The following HMCN1 variants were observed in gnomAD, a reference collection of about 807,000 sequenced individuals.
HMCN1 encodes hemicentin 1.
In HMCN1, 321 loss-of-function variants were observed where a neutral mutation model predicts 625.9. The ratio of observed to expected loss-of-function variants is 0.51; its 90% CI spans 0.47 to 0.56. The LOEUF (loss-of-function observed/expected upper bound fraction) is 0.56. Ranked by LOEUF, HMCN1 falls within the 20% of genes least tolerant of loss-of-function variation. HMCN1 has a pLI of 0.00. For missense variants in HMCN1, 6,588 were observed against 6,887.3 expected (o/e 0.96, Z 1.54); for synonymous variants, 2,425 against 2,417.6 (o/e 1.00, Z -0.09).
At chr1:185,900,240 T>C (rs895812446) in intron 4 of HMCN1, among the ~76,000 whole-genome samples, 2 of 152,058 alleles carry the variant, frequency 1.3e-5, no homozygotes, top group African/African-American at 4.8e-5. Flanking sequence ...CTAAGATTTG[T>C]ACAGTTGTTT....
intron 40 of HMCN1, among the ~76,000 whole-genome samples, chr1:186,045,213 G>A (rs1236801729): frequency 2.6e-5 from 4 of 152,146 alleles, no homozygotes; most frequent in African/African-American, 9.7e-5. Flanking sequence ...TTTATGTTTT[G>A]CACGCTGCGA....
intron 64 of HMCN1, among the ~76,000 whole-genome samples, chr1:186,091,854 G>T (rs1278999475): frequency 1.3e-5 from 2 of 151,950 alleles, no homozygotes; most frequent in Non-Finnish European, 2.9e-5. Context: ...ATAACTTAAA[G>T]AGATAAATGT....
At chr1:185,847,099 TC>T (rs1348548921) in intron 2 of HMCN1, among the ~76,000 whole-genome samples, 9 of 151,956 alleles carry the variant, frequency 5.9e-5, no homozygotes, top group African/African-American at 2.2e-4. Context: ...CCATCAGATT[TC>T]TTATTTTTCA....
At position 186,151,621 on chromosome 1, in the gene HMCN1, A is replaced by C; in HGVS notation, c.14774A>C (p.Lys4925Thr). 1 of 1,612,782 alleles carries C rather than the reference A, an allele frequency of 6.2e-7. No homozygotes were observed. Among genetic ancestry groups the C allele is most frequent in the Non-Finnish European group, 8.5e-7 (1 of 1,179,018 alleles). ...VPRSLGSAMRKIVSILNPIYW... is the reference protein window; with the variant it reads ...VPRSLGSAMRTIVSILNPIYW... Reference sequence around the variant, plus strand: ...TTTTCTTTAGGTTCAGCAATGAGAAAGATAGTTTCTATTCTAAATCCCATT... The same window carrying C: ...TTTTCTTTAGGTTCAGCAATGAGAACGATAGTTTCTATTCTAAATCCCATT... The change falls in exon 95 of 107, where the codon AAG becomes ACG. Residue 4925 changes from lysine (K) to threonine (T), a missense_variant. Physicochemically the swap from Lys to Thr is moderately conservative, Grantham distance 78 (BLOSUM62 -1). Around this residue, in one of 3 missense-constraint regions of HMCN1, gnomAD observed 1,954 missense variants for 2,013.1 expected, o/e 0.97. Transcript: ENST00000271588.
At chr1:186,175,892 G>GAAAAAAAAAAAAAAAAAAA (rs768255922) in intron 103 of HMCN1, among the ~76,000 whole-genome samples, 1 of 135,084 alleles carries the variant, frequency 7.4e-6, no homozygotes, top group Non-Finnish European at 1.6e-5. Context: ...AAAAAAAAAA[G>GAAAAAAAAAAAAAAAAAAA]AAAGAAAAGA....
chr1:185,789,156 C>A (rs1002623388), intron 1 of HMCN1, among the ~76,000 whole-genome samples: 2 of 151,980 alleles, frequency 1.3e-5, no homozygotes, highest in Non-Finnish European at 2.9e-5. Context: ...ACAATGGTAC[C>A]TTATTGAGTA....
In HMCN1 at chr1:186,078,198, T is replaced by A. The variant is rs1290870580; in HGVS notation, c.8577T>A (p.Leu2859=). ...TGAATGAGGCTGGAGAAGATTCCCT[T>A]CAATATGATGTCCGTGTACTCGGTG... is the stretch of plus-strand genomic sequence containing the variant. ...VAVNEAGEDS[L]QYDVRVLVPP... Residue 2859 remains leucine (L), a synonymous_variant, in exon 55 of 107, where the codon CTT becomes CTA. Coordinates refer to ENST00000271588, the MANE Select transcript of HMCN1 (RefSeq NM_031935.3). The A allele has an allele frequency of 1.2e-6, 2 of 1,611,406 alleles. No individual in the cohort carries two copies. The highest frequency in any genetic ancestry group is 1.1e-5 in the South Asian group (1 of 91,000).
chr1:185,883,134 G>A (rs1191731873), intron 4 of HMCN1, among the ~76,000 whole-genome samples: 1 of 152,020 alleles, frequency 6.6e-6, no homozygotes, highest in African/African-American at 2.4e-5. Context: ...ACATATATAT[G>A]TGTTTGTGTG....
chr1:186,135,633 C>G (rs1430539061), intron 86 of HMCN1, among the ~76,000 whole-genome samples: 1 of 152,194 alleles, frequency 6.6e-6, no homozygotes, highest in Admixed American at 6.6e-5. Context: ...CTGTTGTGTG[C>G]TATTGCATTG....
Position 186,016,245 on chromosome 1 carries a change from T to C in HMCN1, c.5191+6T>C. On this transcript the variant is annotated splice_donor_region_variant and intron_variant, in intron 32 of 106. Coordinates refer to ENST00000271588, the MANE Select transcript of HMCN1 (RefSeq NM_031935.3). ...ATATGAAGTTGATGTCTTGGGTAAATAAGGATGCCACTGCCTGGGTTCTCA... is the reference window on the plus strand; with the variant it reads ...ATATGAAGTTGATGTCTTGGGTAAACAAGGATGCCACTGCCTGGGTTCTCA... 4.3e-6 allele frequency: 7 copies of C among 1,611,040 alleles called. No individual in the cohort carries two copies. The highest frequency in any genetic ancestry group is 5.9e-6 in the Non-Finnish European group (7 of 1,177,614).
Position 186,190,168 on chromosome 1 carries a change from T to A in HMCN1, c.*290T>A, listed in dbSNP as rs887201983. 1 of 440,530 alleles carries A rather than the reference T, an allele frequency of 2.3e-6. No individual in the cohort carries two copies. Among genetic ancestry groups the A allele is most frequent in the African/African-American group, 2.0e-5 (1 of 51,280 alleles). The allele number at this position is 440,530 out of a possible 1,614,324, so 27.3% of individuals were successfully genotyped here. Reference sequence around the variant, plus strand: ...CTAACAGGACATATCAGTGATGGTTTACAGTAGTGTAGTACCTAAGATCAT... The same window carrying A: ...CTAACAGGACATATCAGTGATGGTTAACAGTAGTGTAGTACCTAAGATCAT... On this transcript the variant is annotated 3_prime_UTR_variant, in exon 107 of 107. Coordinates refer to ENST00000271588, the MANE Select transcript of HMCN1 (RefSeq NM_031935.3).
At chr1:185,797,598 T>C (rs1244938240) in intron 1 of HMCN1, among the ~76,000 whole-genome samples, 1 of 152,226 alleles carries the variant, frequency 6.6e-6, no homozygotes, top group African/African-American at 2.4e-5. Context: ...AATATTGATA[T>C]GTAAGGTTTT....
At chr1:186,149,125 T>TA (rs1452481485) in intron 93 of HMCN1, among the ~76,000 whole-genome samples, 1 of 152,190 alleles carries the variant, frequency 6.6e-6, no homozygotes. Flanking sequence ...GACCTCAACT[T>TA]AAAGTCACCA....
chr1:186,015,007 T>C (rs1654266651), intron 30 of HMCN1, 152 bp from the exon 31 acceptor site: 2 of 682,316 alleles, frequency 2.9e-6, no homozygotes, highest in Admixed American at 2.6e-5. Context: ...GTTTTGACAA[T>C]AGAGGAAACT....
rs1480697139 is a variant in HMCN1, at chr1:185,864,515, G to T, written c.385G>T (p.Ala129Ser). ...AATGAGTATTGGAGCTATAAAAATT[G>T]CCTTGGAAATTTCTCTTCCTGGTTC... ...PEMSIGAIKI[A>S]LEISLPGSFI... Residue 129 changes from alanine (A) to serine (S), a missense_variant, in exon 3 of 107, where the codon GCC (alanine) becomes TCC (serine). Physicochemically the swap from Ala to Ser is moderately conservative, Grantham distance 99. Around this residue, in one of 3 missense-constraint regions of HMCN1, gnomAD observed 4,628 missense variants for 4,853.1 expected, o/e 0.95. Transcript: ENST00000271588. 5 of 1,613,902 alleles carry T rather than the reference G, an allele frequency of 3.1e-6. No individual in the cohort carries two copies. The African/African-American group carries it at 6.7e-5, about 22-fold the overall frequency.
In HMCN1 at chr1:186,145,507, A is replaced by C; in HGVS notation, c.14371A>C (p.Asn4791His). The C allele has an allele frequency of 6.2e-7, 1 of 1,613,990 alleles. No homozygotes were observed. Among genetic ancestry groups the C allele is most frequent in the Non-Finnish European group, 8.5e-7 (1 of 1,179,956 alleles). Residue 4791 changes from asparagine (N) to histidine (H), a missense_variant, in exon 92 of 107, where the codon AAT becomes CAT. Coordinates refer to ENST00000271588, the MANE Select transcript of HMCN1 (RefSeq NM_031935.3). The part of the protein sequence containing the change: ...YRTCDNPPPS[N>H]GGRACGGPDS... ...CACATGTGATAACCCTCCTCCCTCC[A>C]ATGGGGGAAGAGCTTGTGGGGGACC...
chr1:186,037,872 A>G, intron 36 of HMCN1, 62 bp from the exon 37 acceptor site: 1 of 1,003,964 alleles, frequency 1.0e-6, no homozygotes, highest in East Asian at 2.5e-5. Context: ...TTAATTGAGC[A>G]AACAATTTCA....
chr1:185,866,698 G>A (rs760787883), intron 4 of HMCN1, among the ~76,000 whole-genome samples: 26 of 152,076 alleles, frequency 1.7e-4, no homozygotes, highest in South Asian at 4.2e-4. Context: ...GAGCCACCGC[G>A]TCTGGACCAT....
chr1:185,915,966 C>T (rs1404479671), intron 6 of HMCN1, among the ~76,000 whole-genome samples: 2 of 151,974 alleles, frequency 1.3e-5, no homozygotes, highest in Non-Finnish European at 2.9e-5. Flanking sequence ...CAATATCGGA[C>T]TGTCAACCAA....
Sources: allele counts gnomAD v4.1 joint callset (sites outside exome capture counted in the v4.1 genomes callset), GRCh38; gene constraint gnomAD v4.1.1; regional missense constraint gnomAD v4.1.1; transcripts MANE v1.5; gene names NCBI Gene and HGNC (gene_info 2026-07-23, HGNC 2026-07-21).